The following CDC42EP4 variants were observed in gnomAD, a reference collection of about 807,000 sequenced individuals.
CDC42EP4 encodes CDC42 effector protein (Rho GTPase binding) 4.
A neutral mutation model predicts 5.6 loss-of-function variants in CDC42EP4; 6 were observed. The observed-to-expected ratio is 1.07, with a 90% confidence interval of 0.59 to 2.12. The LOEUF is 2.12. CDC42EP4 is among the 30% of genes most tolerant of loss of function. The pLI is 0.00. For synonymous variants in CDC42EP4, 230 were observed against 224.2 expected (o/e 1.03, Z -0.23); for missense variants, 490 against 508.6 (o/e 0.96, Z 0.35).
At position 73,311,876 on chromosome 17, in the gene CDC42EP4, G is replaced by T. The variant is rs1227404270; in HGVS notation, c.-113+17C>A. ...GAAGGCGGCTACCACAGACAGAGGCGGTTGCCCGTCGCCTACCTCGGTCCC... is the reference window on the plus strand; with the variant it reads ...GAAGGCGGCTACCACAGACAGAGGCTGTTGCCCGTCGCCTACCTCGGTCCC... On this transcript the variant is annotated intron_variant, in intron 1 of 1. Transcript: ENST00000335793. 1 of 152,248 alleles carries T rather than the reference G, an allele frequency of 6.6e-6. No individual in the cohort carries two copies. The highest frequency in any genetic ancestry group is 1.5e-5 in the Non-Finnish European group (1 of 68,066). The allele number at this position is 152,248 out of a possible 1,614,324, so 9.4% of individuals were successfully genotyped here. A position where few individuals can be genotyped will look rare whatever the true frequency, so the allele number is the denominator to read the frequency against.
At chr17:73,300,660 C>G (rs2062214206) in intron 1 of CDC42EP4, among the ~76,000 whole-genome samples, 1 of 152,180 alleles carries the variant, frequency 6.6e-6, no homozygotes, top group East Asian at 1.9e-4. Context: ...GATGGTTACA[C>G]TACAAGCCCA....
At chr17:73,299,425 G>A (rs1167896871) in intron 1 of CDC42EP4, among the ~76,000 whole-genome samples, 1 of 112,728 alleles carries the variant, frequency 8.9e-6, no homozygotes, top group African/African-American at 3.7e-5. Context: ...GCGAGACTCC[G>A]TCCTAAAAAA....
chr17:73,286,626 A>G lies in CDC42EP4; in HGVS notation c.-112-14T>C. On this transcript the variant is annotated splice_polypyrimidine_tract_variant and intron_variant, in intron 1 of 1. Transcript: ENST00000335793. This position sits in a 1 kb window ranked among gnomAD's most constrained non-coding sequence, Gnocchi z 7.7. ...GAGATCATAAGGCTGCAAGCAGAGA[A>G]TGAGAGGCAAAGGATTAACGCGGGC... 1 of 688,478 alleles carries G rather than the reference A, an allele frequency of 1.5e-6. No individual in the cohort carries two copies. Among genetic ancestry groups the G allele is most frequent in the South Asian group, 1.9e-5 (1 of 51,454 alleles). The allele number at this position is 688,478 out of a possible 1,614,324, so 42.6% of individuals were successfully genotyped here.
intron 1 of CDC42EP4, among the ~76,000 whole-genome samples, chr17:73,298,998 C>T (rs1171399332): frequency 6.6e-6 from 1 of 151,954 alleles, no homozygotes. Flanking sequence ...TGCTGTCACC[C>T]AGGCTGGAGT....
chr17:73,285,586 C>T lies in CDC42EP4; in HGVS notation c.915G>A (p.Arg305=), dbSNP rs756591906. The T allele has an allele frequency of 4.3e-6, 7 of 1,610,968 alleles. No homozygotes were observed. The stretch of plus-strand genomic sequence containing the variant: ...TGCAGCTGGAGAGGGAGCTGCTGTC[C>T]CGTGTGGTGTGGCTGCCCATGCTGC... ...SARSMGSHTT[R]DSSSLSSCTS... Residue 305 remains arginine (R), a synonymous_variant, in exon 2 of 2, where the codon CGG becomes CGA. Coordinates refer to ENST00000335793, the MANE Select transcript of CDC42EP4 (RefSeq NM_012121.5). This position sits in a 1 kb window ranked among gnomAD's most constrained non-coding sequence, Gnocchi z 6.8.
At position 73,304,277 on chromosome 17, in the gene CDC42EP4, C is replaced by CTT. The variant is rs3064764; in HGVS notation, c.-113+7614_-113+7615dup. On this transcript the variant is annotated intron_variant, in intron 1 of 1. Coordinates refer to ENST00000335793, the MANE Select transcript of CDC42EP4 (RefSeq NM_012121.5). ...TTAAACTGTCTCTTTTCTTCTTCTT[C>CTT]TTTTTTTTTTTTTTCCTGAGAGAGG... Among the ~76,000 whole-genome samples, 615 of 135,928 alleles carry CTT rather than the reference C, an allele frequency of 4.5e-3. 5 individuals are homozygous for CTT. The highest frequency in any genetic ancestry group is 0.014 in the African/African-American group (471 of 34,068). The allele number at this position is 135,928 out of a possible 152,430, so 89.2% of individuals were successfully genotyped here. A position where few individuals can be genotyped will look rare whatever the true frequency, so the allele number is the denominator to read the frequency against.
intron 1 of CDC42EP4, among the ~76,000 whole-genome samples, chr17:73,289,431 G>A (rs1478274466): frequency 6.6e-6 from 1 of 152,128 alleles, no homozygotes; most frequent in Admixed American, 6.5e-5. Flanking sequence ...CAACTTCTGG[G>A]TTGGTGAGCA....
At chr17:73,311,017 A>G (rs1673077833) in intron 1 of CDC42EP4, 1 of 152,104 alleles carries the variant, frequency 6.6e-6, no homozygotes, top group South Asian at 2.1e-4. Context: ...CACCCGCCCC[A>G]AGCGGGCGAT....
At chr17:73,299,444 TAC>T (rs71154990) in intron 1 of CDC42EP4, among the ~76,000 whole-genome samples, 35,387 of 127,328 alleles carry the variant, frequency 0.28, 6,452 homozygotes, top group Non-Finnish European at 0.38. Flanking sequence ...AAAAAAAAAA[TAC>T]ACACACACAC....
intron 1 of CDC42EP4, among the ~76,000 whole-genome samples, chr17:73,299,443 ATACACAC>A (rs1449414478): frequency 7.0e-4 from 79 of 113,470 alleles, no homozygotes; most frequent in African/African-American, 1.5e-3. Context: ...AAAAAAAAAA[ATACACAC>A]ACACACACAC....
intron 1 of CDC42EP4, among the ~76,000 whole-genome samples, chr17:73,296,647 G>C (rs1397059114): frequency 6.6e-6 from 1 of 151,952 alleles, no homozygotes; most frequent in African/African-American, 2.4e-5. Flanking sequence ...CAGGAGTGCA[G>C]TACCAGCCTG....
intron 1 of CDC42EP4, among the ~76,000 whole-genome samples, chr17:73,300,392 CAG>C (rs1259493210): frequency 3.9e-5 from 6 of 152,144 alleles, no homozygotes; most frequent in Non-Finnish European, 7.3e-5. Flanking sequence ...GGGGGTGAAT[CAG>C]GGAGAGCAGG....
In CDC42EP4 at chr17:73,310,743, TCACACACACACACACACA is replaced by T. The variant is rs57841496; in HGVS notation, c.-113+1132_-113+1149del. On this transcript the variant is annotated intron_variant, in intron 1 of 1. Coordinates refer to ENST00000335793, the MANE Select transcript of CDC42EP4 (RefSeq NM_012121.5). ...TTAGCAGCGAGCACCCCTCCCCCAG[TCACACACACACACACACA>T]CACACACACACACACACACACACAC... 8.8e-3 allele frequency: 1,187 copies of T among 134,620 alleles called. 21 individuals are homozygous for T. Among genetic ancestry groups the T allele is most frequent in the African/African-American group, 0.031 (1,098 of 35,022 alleles). 8.3% of individuals were successfully genotyped at this position (134,620 alleles called of 1,614,324 possible).
At chr17:73,302,016 T>G (rs1240903109) in intron 1 of CDC42EP4, among the ~76,000 whole-genome samples, 2 of 152,132 alleles carry the variant, frequency 1.3e-5, no homozygotes, top group African/African-American at 4.8e-5. Context: ...GTATTTTTAG[T>G]AGAGACAGGG....
intron 1 of CDC42EP4, among the ~76,000 whole-genome samples, chr17:73,297,231 T>C (rs1187968999): frequency 2.0e-5 from 3 of 149,952 alleles, no homozygotes; most frequent in African/African-American, 4.9e-5. Flanking sequence ...GAGGCGGAGG[T>C]TGCTGTGAGC....
Position 73,285,557 on chromosome 17 carries a change from G to C in CDC42EP4, c.944C>G (p.Ser315Ter). The stretch of plus-strand genomic sequence containing the variant: ...AGGGCTGCGCTCCTCCAGGATGCCT[G>C]AGGTGCAGCTGGAGAGGGAGCTGCT... Reference protein sequence around the residue: ...RDSSSLSSCTSGILEERSPAF... With the variant: ...RDSSSLSSCT Residue 315 changes from serine to a stop codon, truncating the protein, a stop_gained, in exon 2 of 2, where the codon TCA becomes TGA. Coordinates refer to ENST00000335793, the MANE Select transcript of CDC42EP4 (RefSeq NM_012121.5). LOFTEE classifies it high-confidence loss of function. This position sits in a 1 kb window ranked among gnomAD's most constrained non-coding sequence, Gnocchi z 6.8. 1 of 1,612,138 alleles carries C rather than the reference G, an allele frequency of 6.2e-7. No homozygotes were observed. The highest frequency in any genetic ancestry group is 1.7e-5 in the Admixed American group (1 of 60,020).
intron 1 of CDC42EP4, chr17:73,306,930 G>A (rs915976231): frequency 6.6e-6 from 1 of 152,274 alleles, no homozygotes; most frequent in African/African-American, 2.4e-5. Context: ...AGAACCCAGA[G>A]TCTCATGCTG....
At chr17:73,288,952 G>T (rs1008696495) in intron 1 of CDC42EP4, among the ~76,000 whole-genome samples, 1 of 152,184 alleles carries the variant, frequency 6.6e-6, no homozygotes, top group Non-Finnish European at 1.5e-5. Flanking sequence ...GCCTTGAGAT[G>T]ATACTCTACT....
At chr17:73,302,817 C>T (rs960722378) in intron 1 of CDC42EP4, among the ~76,000 whole-genome samples, 4 of 150,886 alleles carry the variant, frequency 2.7e-5, no homozygotes, top group African/African-American at 7.3e-5. Context: ...CCGAGGCGGG[C>T]GGATCACGAG....
Sources: allele counts gnomAD v4.1 joint callset (sites outside exome capture counted in the v4.1 genomes callset), GRCh38; gene constraint gnomAD v4.1.1; non-coding constraint Gnocchi (gnomAD v3.1); transcripts MANE v1.5; gene names NCBI Gene and HGNC (gene_info 2026-07-23, HGNC 2026-07-21).